SCUBE1: variants seen among roughly 807,000 people sequenced by gnomAD.
The protein encoded by SCUBE1 is signal peptide, CUB domain and EGF like domain containing 1.
A neutral mutation model predicts 124.4 loss-of-function variants in SCUBE1; 59 were observed. The ratio of observed to expected loss-of-function variants is 0.47; its 90% CI spans 0.38 to 0.59. The LOEUF is 0.59. SCUBE1 is among the 20% of genes least tolerant of loss of function. The pLI, the probability that SCUBE1 is intolerant of heterozygous loss-of-function variation, is 0.00. For synonymous variants in SCUBE1, 545 were observed against 550.9 expected, an observed-to-expected ratio of 0.99 and a Z score of 0.15; for missense variants, 1,150 against 1,371.2, an observed-to-expected ratio of 0.84 and a Z score of 2.55.
At chr22:43,329,026 G>A (rs1033038838) in intron 2 of SCUBE1, among the ~76,000 whole-genome samples, 2 of 149,744 alleles carry the variant, frequency 1.3e-5, no homozygotes, top group East Asian at 1.9e-4. Flanking sequence ...TAGAGAAGAC[G>A]GCATCTCTGT....
intron 14 of SCUBE1, among the ~76,000 whole-genome samples, chr22:43,219,566 C>T (rs1921994370): frequency 6.6e-6 from 1 of 151,842 alleles, no homozygotes; most frequent in Non-Finnish European, 1.5e-5. Flanking sequence ...CTCTGCCTCC[C>T]AGGTTCAAGC....
chr22:43,329,305 C>T (rs1926827622), intron 2 of SCUBE1, among the ~76,000 whole-genome samples: 1 of 152,262 alleles, frequency 6.6e-6, no homozygotes, highest in African/African-American at 2.4e-5. Context: ...TGAAGCCCAC[C>T]CCTCAAGCTG....
rs116945324 is a variant in SCUBE1 at position 43,244,370 on chromosome 22, G to A, written c.728-5416C>T. Among the ~76,000 whole-genome samples, 757 of 152,320 alleles carry A rather than the reference G, an allele frequency of 5.0e-3. 4 individuals are homozygous for A. The highest frequency in any genetic ancestry group is 7.8e-3 in the Non-Finnish European group (533 of 68,032). ...CTCCCACTGACCACACGCTATCTGG[G>A]CAGGGCAGCGTCAAGGTGACCAGCA... is the stretch of plus-strand genomic sequence containing the variant. On this transcript the variant is annotated intron_variant, in intron 6 of 21. Coordinates refer to ENST00000360835, the MANE Select transcript of SCUBE1 (RefSeq NM_173050.5).
intron 4 of SCUBE1, among the ~76,000 whole-genome samples, chr22:43,267,410 G>A (rs973146449): frequency 2.6e-5 from 4 of 152,192 alleles, no homozygotes; most frequent in Non-Finnish European, 4.4e-5. Flanking sequence ...GTTATTTTAG[G>A]AGGCAAGGCT....
chr22:43,210,772 G>C lies in SCUBE1; in HGVS notation c.2383+150C>G. 4 of 934,134 alleles carry C rather than the reference G, an allele frequency of 4.3e-6. No homozygotes were observed. Among genetic ancestry groups the C allele is most frequent in the Admixed American group, 2.3e-5 (1 of 43,962 alleles). The allele number at this position is 934,134 out of a possible 1,614,324, so 57.9% of individuals were successfully genotyped here. A position where few individuals can be genotyped will look rare whatever the true frequency, so the allele number is the denominator to read the frequency against. ...CTTTGGTGCCACAGGCCTCCAGATG[G>C]ATGCAATGCACCCGAGAGCAGACGG... is the stretch of plus-strand genomic sequence containing the variant. On this transcript the variant is annotated intron_variant, in intron 18 of 21. Coordinates refer to ENST00000360835, the MANE Select transcript of SCUBE1 (RefSeq NM_173050.5). This position sits in a 1 kb window ranked among gnomAD's most constrained non-coding sequence, Gnocchi z 4.5.
chr22:43,340,395 G>A (rs1240985516), intron 1 of SCUBE1, among the ~76,000 whole-genome samples: 1 of 151,882 alleles, frequency 6.6e-6, no homozygotes, highest in African/African-American at 2.4e-5. Context: ...CTTTCAGTCT[G>A]GAACAGCTGT....
intron 4 of SCUBE1, among the ~76,000 whole-genome samples, chr22:43,267,721 G>A (rs751150415): frequency 2.0e-5 from 3 of 152,224 alleles, no homozygotes; most frequent in Non-Finnish European, 4.4e-5. Context: ...ACCCACTGGA[G>A]CACCTGCGGT....
chr22:43,223,250 G>T, intron 10 of SCUBE1, 34 bp from the exon 11 acceptor site: 1 of 1,545,992 alleles, frequency 6.5e-7, no homozygotes, highest in Non-Finnish European at 8.6e-7. Flanking sequence ...GGCTGAGAGA[G>T]GCCAGGGCGG....
chr22:43,273,627 GTGTAA>G (rs1924382658), intron 4 of SCUBE1, among the ~76,000 whole-genome samples: 1 of 142,222 alleles, frequency 7.0e-6, no homozygotes, highest in Non-Finnish European at 1.5e-5. Context: ...GAGTGCAGTG[GTGTAA>G]TCAAATCACA....
chr22:43,233,587 G>T (rs909233038), intron 7 of SCUBE1: 3 of 152,220 alleles, frequency 2.0e-5, no homozygotes, highest in Non-Finnish European at 4.4e-5. Flanking sequence ...TACCTGAAGG[G>T]CCCTGTCCAG....
chr22:43,206,994 CT>C (rs1236661313), intron 21 of SCUBE1, among the ~76,000 whole-genome samples: 9 of 152,122 alleles, frequency 5.9e-5, no homozygotes, highest in African/African-American at 2.2e-4. Context: ...TGCCCTTGTC[CT>C]CCACACCCCG....
chr22:43,287,514 C>T (rs938623625), intron 4 of SCUBE1, among the ~76,000 whole-genome samples: 11 of 152,218 alleles, frequency 7.2e-5, no homozygotes, highest in African/African-American at 1.9e-4. Context: ...TGTGCTCTGG[C>T]GCCTAGAAAG....
intron 2 of SCUBE1, among the ~76,000 whole-genome samples, chr22:43,325,169 C>T (rs531223235): frequency 6.3e-4 from 96 of 151,996 alleles, no homozygotes; most frequent in African/African-American, 2.2e-3. Flanking sequence ...GGCTCAGGAT[C>T]GCTGAGGACC....
At chr22:43,285,539 G>T (rs949209192) in intron 4 of SCUBE1, among the ~76,000 whole-genome samples, 2 of 152,208 alleles carry the variant, frequency 1.3e-5, no homozygotes, top group African/African-American at 4.8e-5. Context: ...AGGGGGCGGG[G>T]GACAGAGGTG....
intron 4 of SCUBE1, among the ~76,000 whole-genome samples, chr22:43,274,112 G>T (rs201271152): frequency 6.6e-6 from 1 of 152,044 alleles, no homozygotes; most frequent in Non-Finnish European, 1.5e-5. Context: ...CTGCCCCCAC[G>T]GACCTGAGGT....
intron 2 of SCUBE1, among the ~76,000 whole-genome samples, chr22:43,328,534 G>T (rs1926801917): frequency 2.0e-5 from 3 of 152,180 alleles, no homozygotes; most frequent in African/African-American, 7.2e-5. Context: ...CCGGCCCTTA[G>T]AATTGGTAAG....
intron 14 of SCUBE1, among the ~76,000 whole-genome samples, chr22:43,219,907 G>C (rs540591979): frequency 2.0e-5 from 3 of 151,822 alleles, no homozygotes; most frequent in Admixed American, 6.6e-5. Context: ...CTCTCTGGCT[G>C]AGAGTGTTAC....
chr22:43,284,871 A>C (rs1229868251), intron 4 of SCUBE1, among the ~76,000 whole-genome samples: 2 of 152,178 alleles, frequency 1.3e-5, no homozygotes, highest in African/African-American at 4.8e-5. Context: ...TGGCTGTAGG[A>C]CAACATCACT....
At chr22:43,212,768 G>A in intron 16 of SCUBE1, 176 bp from the exon 17 acceptor site, 1 of 644,114 alleles carries the variant, frequency 1.6e-6, no homozygotes. Context: ...CAGGAAGCTG[G>A]GCCCTGGTCC....
Sources: gnomAD v4.1 joint callset for allele counts (sites outside exome capture counted in the v4.1 genomes callset) on GRCh38, gnomAD v4.1.1 for gene constraint, Gnocchi (gnomAD v3.1) non-coding constraint, MANE v1.5 for transcripts, NCBI Gene and HGNC (gene_info 2026-07-23, HGNC 2026-07-21) for gene names.